Variants in PCNT observed in about 807,000 individuals in gnomAD.
The protein encoded by PCNT is kendrin.
In PCNT, 319 loss-of-function variants were observed where a neutral mutation model predicts 380.4. The ratio of observed to expected loss-of-function variants is 0.84; its 90% CI spans 0.77 to 0.92. The LOEUF (loss-of-function observed/expected upper bound fraction) is 0.92, where lower values mean the gene tolerates loss of function less well. Ranked by LOEUF, PCNT falls within the 40% of genes least tolerant of loss-of-function variation. PCNT has a pLI of 0.00. For synonymous variants in PCNT, 1,845 were observed against 1,735.2 expected (o/e 1.06, Z -1.57); for missense variants, 4,400 against 4,255.3 (o/e 1.03, Z -0.95).
chr21:46,353,679 A>G (rs2084359185), intron 10 of PCNT, among the ~76,000 whole-genome samples: 1 of 141,208 alleles, frequency 7.1e-6, no homozygotes, highest in Non-Finnish European at 1.5e-5. Flanking sequence ...TCCTCCAGGC[A>G]TGTGTGTGTG....
chr21:46,353,343 C>T lies in PCNT; in HGVS notation c.1679+17C>T, dbSNP rs2084345621. The T allele has an allele frequency of 1.9e-6, 3 of 1,604,452 alleles. No homozygotes were observed. The highest frequency in any genetic ancestry group is 2.2e-5 in the East Asian group (1 of 44,874). On this transcript the variant is annotated intron_variant, in intron 10 of 46. Coordinates refer to ENST00000359568, the MANE Select transcript of PCNT (RefSeq NM_006031.6). ...GGAAGTTGGGTAAGCAAAGCAGTTCCAGCCTCAGTGAGTTTCTGCCATACA... is the reference window on the plus strand; with the variant it reads ...GGAAGTTGGGTAAGCAAAGCAGTTCTAGCCTCAGTGAGTTTCTGCCATACA...
chr21:46,405,354 C>T (rs1164839126), intron 27 of PCNT, among the ~76,000 whole-genome samples: 1 of 152,212 alleles, frequency 6.6e-6, no homozygotes, highest in African/African-American at 2.4e-5. Context: ...CTGATTGTAT[C>T]TTGTATATTT....
chr21:46,378,314 TC>T, intron 15 of PCNT, among the ~76,000 whole-genome samples: 1 of 152,294 alleles, frequency 6.6e-6, no homozygotes, highest in South Asian at 2.1e-4. Context: ...TCTGAATTGC[TC>T]CGTCATCAAC....
Position 46,411,524 on chromosome 21 carries a change from G to A in PCNT, c.5451G>A (p.Leu1817=), listed in dbSNP as rs1429618811. 3.1e-6 allele frequency: 5 copies of A among 1,610,198 alleles called. No individual in the cohort carries two copies. Among genetic ancestry groups the A allele is most frequent in the Admixed American group, 3.4e-5 (2 of 59,522 alleles). ...ADQERRHSQA[L]EALQQRLQGA... is the part of the protein sequence containing the mutation. ...AGGAGCGCAGGCACAGCCAGGCCCT[G>A]GAGGCCCTGCAGCAGCGCCTCCAGG... The change falls in exon 28 of 47, where the codon CTG becomes CTA. Residue 1817 remains leucine (L), a synonymous_variant. Transcript: ENST00000359568.
intron 2 of PCNT, among the ~76,000 whole-genome samples, chr21:46,332,788 T>G (rs1241991665): frequency 6.6e-6 from 1 of 152,204 alleles, no homozygotes; most frequent in Non-Finnish European, 1.5e-5. Flanking sequence ...GGGAAGAAAT[T>G]GAAATGTTCT....
chr21:46,417,175 G>A (rs1222203818), intron 30 of PCNT, among the ~76,000 whole-genome samples: 2 of 142,842 alleles, frequency 1.4e-5, no homozygotes, highest in African/African-American at 2.6e-5. Flanking sequence ...TTATTTTTAG[G>A]AATGCTTCCT....
At chr21:46,358,527 A>G (rs1320920441) in intron 13 of PCNT, among the ~76,000 whole-genome samples, 1 of 152,132 alleles carries the variant, frequency 6.6e-6, no homozygotes, top group African/African-American at 2.4e-5. Flanking sequence ...GTCATGTGCC[A>G]ATGGCACCTG....
intron 17 of PCNT, among the ~76,000 whole-genome samples, chr21:46,386,705 C>G (rs2085850657): frequency 6.6e-6 from 1 of 152,232 alleles, no homozygotes; most frequent in Non-Finnish European, 1.5e-5. Context: ...TTTTGCTCCT[C>G]TGACACCATG....
chr21:46,430,827 TG>T, intron 37 of PCNT, 170 bp downstream of exon 37: 1 of 985,390 alleles, frequency 1.0e-6, no homozygotes, highest in Non-Finnish European at 1.2e-6. Context: ...TGCACCTTGG[TG>T]TAGTGGCAGC....
intron 3 of PCNT, among the ~76,000 whole-genome samples, chr21:46,336,358 A>G (rs1469958987): frequency 2.0e-5 from 3 of 152,192 alleles, no homozygotes; most frequent in African/African-American, 7.2e-5. Flanking sequence ...GGTGGGTTCT[A>G]TAAAACCCAC....
Position 46,363,779 on chromosome 21 carries a change from G to C in PCNT, c.2454G>C (p.Gln818His). 1 of 1,613,868 alleles carries C rather than the reference G, an allele frequency of 6.2e-7. No homozygotes were observed. Among genetic ancestry groups the C allele is most frequent in the Non-Finnish European group, 8.5e-7 (1 of 1,179,812 alleles). The change falls in exon 14 of 47, where the codon CAG (glutamine) becomes CAC (histidine). Residue 818 changes from glutamine to histidine, a missense_variant. By Grantham distance (24) the Gln-to-His change is conservative (BLOSUM62 0). Coordinates refer to ENST00000359568, the MANE Select transcript of PCNT (RefSeq NM_006031.6). ...TGGAGAGGTCCTTGACGGAGCAGCA[G>C]GGCCGCCTGCAGCAGCTGGAACAGG... ...LDLERSLTEQ[Q>H]GRLQQLEQDL...
In PCNT at chr21:46,382,184, G is replaced by A. The variant is rs766260950; in HGVS notation, c.3312+344G>A. 8.8e-4 allele frequency among the ~76,000 whole-genome samples: 115 copies of A among 130,448 alleles called. 12 individuals carry two copies. The highest frequency in any genetic ancestry group is 1.4e-3 in the Non-Finnish European group (89 of 62,518). The allele number at this position is 130,448 out of a possible 152,430, so 85.6% of individuals were successfully genotyped here. A position where few individuals can be genotyped will look rare whatever the true frequency, so the allele number is the denominator to read the frequency against. ...ATAGTGTAGATTCAGTGGCGGAAGC[G>A]CATTCATAGTGTAGATTCAGTGGCG... On this transcript the variant is annotated intron_variant, in intron 16 of 46. Transcript: ENST00000359568.
At chr21:46,357,994 C>T (rs1457447262) in intron 13 of PCNT, among the ~76,000 whole-genome samples, 1 of 152,264 alleles carries the variant, frequency 6.6e-6, no homozygotes, top group Non-Finnish European at 1.5e-5. Flanking sequence ...CTCCACATGG[C>T]CCGATGGGCT....
chr21:46,357,689 A>G (rs762942239), intron 13 of PCNT, among the ~76,000 whole-genome samples: 24 of 152,070 alleles, frequency 1.6e-4, no homozygotes, highest in Non-Finnish European at 2.9e-4. Context: ...TTGGCCTCCT[A>G]CAGTGCTGGG....
chr21:46,413,659 A>T (rs1330175500), intron 29 of PCNT, among the ~76,000 whole-genome samples: 1 of 152,214 alleles, frequency 6.6e-6, no homozygotes, highest in Non-Finnish European at 1.5e-5. Context: ...GGAGGACCAC[A>T]TCGCCCCCGT....
Position 46,366,707 on chromosome 21 carries a change from G to T in PCNT, c.2733G>T (p.Gln911His), listed in dbSNP as rs1424455080. 2 of 1,613,784 alleles carry T rather than the reference G, an allele frequency of 1.2e-6. No individual in the cohort carries two copies. Among genetic ancestry groups the T allele is most frequent in the African/African-American group, 2.7e-5 (2 of 75,068 alleles). The change falls in exon 15 of 47, where the codon CAG (glutamine) becomes CAT (histidine). Residue 911 changes from glutamine to histidine, a missense_variant. Physicochemically the swap from Gln to His is conservative, Grantham distance 24 (BLOSUM62 0). Transcript: ENST00000359568. ...LQLLQERHQQQLLSVTAELEA... is the reference protein window; with the variant it reads ...LQLLQERHQQHLLSVTAELEA... Reference sequence around the variant, plus strand: ...TCCTCCAGGAGAGACACCAGCAGCAGCTCCTGTCAGTGACGGCGGAGCTCG... The same window carrying T: ...TCCTCCAGGAGAGACACCAGCAGCATCTCCTGTCAGTGACGGCGGAGCTCG...
chr21:46,416,491 T>G lies in PCNT; in HGVS notation c.6573T>G (p.Ser2191=). ...CAGAATGTCAGGACATGTCTCTTTC[T>G]TCACCGACCAGCGTACTTGGTGGCT... The part of the protein sequence containing the change: ...EKSECQDMSL[S]SPTSVLGGSR... Residue 2191 remains serine, a synonymous_variant, in exon 30 of 47, where the codon TCT becomes TCG. Transcript: ENST00000359568. 1.9e-6 allele frequency: 3 copies of G among 1,614,058 alleles called. No homozygotes were observed. In the East Asian group the frequency reaches 6.7e-5, roughly 36 times the overall value.
At position 46,436,139 on chromosome 21, in the gene PCNT, C is replaced by T. The variant is rs777646745; in HGVS notation, c.8987C>T (p.Ala2996Val). The part of the protein sequence containing the change: ...ARLLTSFTSQ[A>V]VDRTVNDWTS... ...CTTCTCACCAGCTTCACCAGCCAGG[C>T]CGTGGACAGGTGTGCACCCACGCCA... is the stretch of plus-strand genomic sequence containing the variant. Residue 2996 changes from alanine (A) to valine (V), a missense_variant, in exon 39 of 47, where the codon GCC becomes GTC. Coordinates refer to ENST00000359568, the MANE Select transcript of PCNT (RefSeq NM_006031.6). 6.2e-7 allele frequency: 1 copy of T among 1,607,884 alleles called. No homozygotes were observed. Among genetic ancestry groups the T allele is most frequent in the South Asian group, 1.1e-5 (1 of 91,066 alleles).
rs2147319593 is a variant in PCNT at position 46,392,042 on chromosome 21, C to T, written c.4216+666C>T. 3.9e-5 allele frequency among the ~76,000 whole-genome samples: 6 copies of T among 152,284 alleles called. 1 individual carries two copies. In the South Asian group the frequency reaches 1.2e-3, roughly 32 times the overall value. On this transcript the variant is annotated intron_variant, in intron 21 of 46. Transcript: ENST00000359568. ...CACAGATTGGAGTTAGAAGCTTGGG[C>T]ATCGCAGGCACCACCTCAGCCAATT...
Sources: gnomAD v4.1 joint callset for allele counts (sites outside exome capture counted in the v4.1 genomes callset) on GRCh38, gnomAD v4.1.1 for gene constraint, MANE v1.5 for transcripts, NCBI Gene and HGNC (gene_info 2026-07-23, HGNC 2026-07-21) for gene names.